The following OR10H5 variants were observed in gnomAD, a reference collection of about 807,000 sequenced individuals.
The protein encoded by OR10H5 is olfactory receptor family 10 subfamily H member 5.
Under a neutral mutation model 12.2 loss-of-function variants are expected in OR10H5, and 7 were observed. The observed-to-expected ratio is 0.57, with a 90% CI of 0.33 to 1.07. The LOEUF (loss-of-function observed/expected upper bound fraction) is 1.07. Ranked by LOEUF, OR10H5 falls within the 50% of genes least tolerant of loss-of-function variation. OR10H5 has a pLI of 0.04. For synonymous variants in OR10H5, 159 were observed against 175.1 expected (o/e 0.91, Z 0.73); for missense variants, 346 against 411.6 (o/e 0.84, Z 1.38).
intron 1 of OR10H5, among the ~76,000 whole-genome samples, chr19:15,788,607 T>G (rs1271766223): frequency 6.6e-6 from 1 of 152,084 alleles, no homozygotes; most frequent in African/African-American, 2.4e-5. Flanking sequence ...CAACTGATCC[T>G]CCCACTTGGC....
rs756154236 is a variant in OR10H5, at chr19:15,794,300, C to A, written c.252C>A (p.Asp84Glu). Reference sequence around the variant, plus strand: ...CCATCATCCCGCGCATGCTGGCCGACCTGCTGTCCACCCAGCGCTCCATCG... The same window carrying A: ...CCATCATCCCGCGCATGCTGGCCGAACTGCTGTCCACCCAGCGCTCCATCG... ...TVAIIPRMLA[D>E]LLSTQRSIAF... is the part of the protein sequence containing the mutation. The change falls in exon 2 of 2, where the codon GAC becomes GAA. Residue 84 changes from aspartate (D) to glutamate (E), a missense_variant. By Grantham distance (45) the Asp-to-Glu change is conservative. Transcript: ENST00000642092. 6.2e-7 allele frequency: 1 copy of A among 1,614,118 alleles called. No individual in the cohort carries two copies. The highest frequency in any genetic ancestry group is 8.5e-7 in the Non-Finnish European group (1 of 1,179,968).
intron 1 of OR10H5, among the ~76,000 whole-genome samples, chr19:15,793,753 C>A (rs2088820043): frequency 1.3e-5 from 2 of 152,072 alleles, no homozygotes; most frequent in African/African-American, 4.8e-5. Flanking sequence ...GTAGCACATG[C>A]CTGTAATCCC....
chr19:15,791,514 T>C (rs1568448647), intron 1 of OR10H5, among the ~76,000 whole-genome samples: 1 of 151,164 alleles, frequency 6.6e-6, no homozygotes, highest in Non-Finnish European at 1.5e-5. Context: ...ACTCCGCAAC[T>C]CCTCAGTGAT....
intron 1 of OR10H5, among the ~76,000 whole-genome samples, chr19:15,791,970 G>A (rs1317335989): frequency 1.3e-5 from 2 of 151,744 alleles, no homozygotes; most frequent in African/African-American, 2.4e-5. Context: ...TGGGATTACA[G>A]GTGCATGAAT....
At chr19:15,789,305 C>T (rs1405444336) in intron 1 of OR10H5, among the ~76,000 whole-genome samples, 1 of 152,164 alleles carries the variant, frequency 6.6e-6, no homozygotes, top group Admixed American at 6.5e-5. Flanking sequence ...AGAGCCAGTG[C>T]GACTGTGTGG....
intron 1 of OR10H5, among the ~76,000 whole-genome samples, chr19:15,789,786 C>CTTTTTTTT (rs11395185): frequency 7.3e-6 from 1 of 137,644 alleles, no homozygotes. Flanking sequence ...CTTTTCTTTT[C>CTTTTTTTT]TTTTTTTTTT....
Position 15,798,875 on chromosome 19 carries a change from GC to G in OR10H5, c.*3880del, listed in dbSNP as rs1186648350. The G allele has an allele frequency of 6.7e-6, 1 of 149,144 alleles. No homozygotes were observed. The highest frequency in any genetic ancestry group is 2.0e-4 in the East Asian group (1 of 5,004). The allele number at this position is 149,144 out of a possible 1,614,324, so 9.2% of individuals were successfully genotyped here. A position where few individuals can be genotyped will look rare whatever the true frequency, so the allele number is the denominator to read the frequency against. ...GGGTTCAAGCGATTTTTCTGCCTCA[GC>G]TTCCCAAGTAGCTGGGATTGCAGGC... On this transcript the variant is annotated 3_prime_UTR_variant, in exon 2 of 2. Coordinates refer to ENST00000642092, the MANE Select transcript of OR10H5 (RefSeq NM_001004466.2).
Position 15,795,776 on chromosome 19 carries a change from T to A in OR10H5, c.*780T>A, listed in dbSNP as rs2088837473. ...AGGATTACTAACTCCATTTTGTTTG[T>A]TCGTTAGTTGGTTGGTTTTATACAC... is the stretch of plus-strand genomic sequence containing the variant. On this transcript the variant is annotated 3_prime_UTR_variant, in exon 2 of 2. Coordinates refer to ENST00000642092, the MANE Select transcript of OR10H5 (RefSeq NM_001004466.2). 6.6e-6 allele frequency: 1 copy of A among 152,246 alleles called. No homozygotes were observed. Among genetic ancestry groups the A allele is most frequent in the Non-Finnish European group, 1.5e-5 (1 of 68,086 alleles). The allele number at this position is 152,246 out of a possible 1,614,324, so 9.4% of individuals were successfully genotyped here.
At position 15,800,271 on chromosome 19, in the gene OR10H5, T is replaced by C. The variant is rs2088861436; in HGVS notation, c.*5275T>C. 1 of 152,186 alleles carries C rather than the reference T, an allele frequency of 6.6e-6. No individual in the cohort carries two copies. Among genetic ancestry groups the C allele is most frequent in the Admixed American group, 6.6e-5 (1 of 15,262 alleles). The allele number at this position is 152,186 out of a possible 1,614,324, so 9.4% of individuals were successfully genotyped here. On this transcript the variant is annotated 3_prime_UTR_variant, in exon 2 of 2. Coordinates refer to ENST00000642092, the MANE Select transcript of OR10H5 (RefSeq NM_001004466.2). ...CAGACATTGAGATCGGGATGTCTTA[T>C]CTAATTGGTTCAACCCTGTCTTCCC...
At chr19:15,793,866 G>A (rs574410890) in intron 1 of OR10H5, 172 bp from the exon 2 acceptor site, 8 of 622,896 alleles carry the variant, frequency 1.3e-5, no homozygotes, top group East Asian at 5.6e-5. Flanking sequence ...GTGACAGAGC[G>A]AGACCCCATC....
At chr19:15,791,128 T>A (rs1343266930) in intron 1 of OR10H5, among the ~76,000 whole-genome samples, 1 of 152,116 alleles carries the variant, frequency 6.6e-6, no homozygotes, top group Non-Finnish European at 1.5e-5. Flanking sequence ...GGCAGATCAC[T>A]TGAGGACAGG....
Position 15,795,588 on chromosome 19 carries a change from A to T in OR10H5, c.*592A>T, listed in dbSNP as rs2088836378. 1 of 153,778 alleles carries T rather than the reference A, an allele frequency of 6.5e-6. No individual in the cohort carries two copies. The highest frequency in any genetic ancestry group is 1.4e-5 in the Non-Finnish European group (1 of 69,404). 9.5% of individuals were successfully genotyped at this position (153,778 alleles called of 1,614,324 possible). On this transcript the variant is annotated 3_prime_UTR_variant, in exon 2 of 2. Coordinates refer to ENST00000642092, the MANE Select transcript of OR10H5 (RefSeq NM_001004466.2). ...CATTATGCCCACCTCAGCCTCCCAA[A>T]GTGCTGGGATCACAGGCGTGAGTCA...
In OR10H5 at chr19:15,794,969, C is replaced by T. The variant is rs755916159; in HGVS notation, c.921C>T (p.Phe307=). 1 of 1,614,040 alleles carries T rather than the reference C, an allele frequency of 6.2e-7. No individual in the cohort carries two copies. The highest frequency in any genetic ancestry group is 1.3e-5 in the African/African-American group (1 of 74,942). ...AGGTCGCCATGAAGAAGACTTGCTTCACCAAACTCTTTCCACAGAACTGCT... is the reference window on the plus strand; with the variant it reads ...AGGTCGCCATGAAGAAGACTTGCTTTACCAAACTCTTTCCACAGAACTGCT... ...ELKVAMKKTC[F]TKLFPQNC is the part of the protein sequence containing the mutation. The change falls in exon 2 of 2, where the codon TTC becomes TTT. Residue 307 remains phenylalanine, a synonymous_variant. Transcript: ENST00000642092.
chr19:15,789,522 C>T (rs952189549), intron 1 of OR10H5, among the ~76,000 whole-genome samples: 3 of 151,790 alleles, frequency 2.0e-5, no homozygotes, highest in Non-Finnish European at 4.4e-5. Flanking sequence ...TAGGGTTCTG[C>T]GTGTGCATCA....
In OR10H5 at chr19:15,799,700, T is replaced by C. The variant is rs2088858283; in HGVS notation, c.*4704T>C. On this transcript the variant is annotated 3_prime_UTR_variant, in exon 2 of 2. Coordinates refer to ENST00000642092, the MANE Select transcript of OR10H5 (RefSeq NM_001004466.2). The stretch of plus-strand genomic sequence containing the variant: ...ACTATATGTTCATTGAATGTCTTTT[T>C]TTTTTTTTGAGAGAGAGAGAGAGAG... 6.6e-6 allele frequency: 1 copy of C among 151,036 alleles called. No homozygotes were observed. The highest frequency in any genetic ancestry group is 1.5e-5 in the Non-Finnish European group (1 of 67,804). 9.4% of individuals were successfully genotyped at this position (151,036 alleles called of 1,614,324 possible).
At chr19:15,790,758 T>C (rs2088806135) in intron 1 of OR10H5, among the ~76,000 whole-genome samples, 1 of 152,180 alleles carries the variant, frequency 6.6e-6, no homozygotes, top group Admixed American at 6.5e-5. Flanking sequence ...GCTACTTTTC[T>C]GTGTGGAATG....
intron 1 of OR10H5, among the ~76,000 whole-genome samples, chr19:15,792,704 GATCC>G: frequency 6.6e-6 from 1 of 152,088 alleles, no homozygotes; most frequent in South Asian, 2.1e-4. Context: ...GACCTCAAGT[GATCC>G]ACCCACCTCG....
At chr19:15,793,519 G>A (rs528605465) in intron 1 of OR10H5, among the ~76,000 whole-genome samples, 7 of 151,868 alleles carry the variant, frequency 4.6e-5, no homozygotes, top group Admixed American at 2.6e-4. Context: ...CTCTGCCTCC[G>A]CCTCCCAAAG....
chr19:15,788,275 C>G (rs573218096), intron 1 of OR10H5, among the ~76,000 whole-genome samples: 1 of 152,074 alleles, frequency 6.6e-6, no homozygotes, highest in Non-Finnish European at 1.5e-5. Flanking sequence ...TAAAGCAAGA[C>G]GTCTACAAAG....
Sources: allele counts gnomAD v4.1 joint callset (sites outside exome capture counted in the v4.1 genomes callset), GRCh38; gene constraint gnomAD v4.1.1; transcripts MANE v1.5; gene names NCBI Gene and HGNC (gene_info 2026-07-23, HGNC 2026-07-21).